The following SNAP91 variants were observed in gnomAD, a reference collection of about 807,000 sequenced individuals.
The protein encoded by SNAP91 is synaptosome associated protein 91.
A neutral mutation model predicts 100.3 loss-of-function variants in SNAP91; 27 were observed. That is an observed-to-expected ratio of 0.27 (90% CI 0.20 to 0.37). The LOEUF is 0.37. Ranked by LOEUF, SNAP91 falls within the 10% of genes least tolerant of loss-of-function variation. The probability of loss-of-function intolerance (pLI) is 1.00; values close to 1 mark genes in which losing one functional copy is unlikely to be tolerated. For missense variants in SNAP91, 986 were observed against 1,123.7 expected (o/e 0.88, Z 1.75); for synonymous variants, 404 against 398.6 (o/e 1.01, Z -0.16).
intron 12 of SNAP91, among the ~76,000 whole-genome samples, chr6:83,608,184 A>G (rs1333149251): frequency 1.3e-5 from 2 of 152,126 alleles, no homozygotes; most frequent in African/African-American, 4.8e-5. Context: ...AAAAAAACCA[A>G]TGTCATTATT....
Position 83,582,317 on chromosome 6 carries a change from A to G in SNAP91, c.2054T>C (p.Val685Ala), listed in dbSNP as rs1300229898. Residue 685 changes from valine to alanine, a missense_variant, in exon 23 of 30, where the codon GTG (valine) becomes GCG (alanine). Transcript: ENST00000369694. ...GSFMAPSPSPVTPAQNNLLQP... is the reference protein window; with the variant it reads ...GSFMAPSPSPATPAQNNLLQP... The stretch of plus-strand genomic sequence containing the variant: ...TAGCAGGTTATTCTGAGCTGGAGTC[A>G]CTGGAGATGGGGAAGGCGCCATGAA... The G allele has an allele frequency of 5.0e-6, 8 of 1,613,500 alleles. No individual in the cohort carries two copies. Among genetic ancestry groups the G allele is most frequent in the Non-Finnish European group, 5.9e-6 (7 of 1,179,684 alleles).
chr6:83,615,544 G>C (rs1342903033), intron 10 of SNAP91, among the ~76,000 whole-genome samples: 3 of 152,076 alleles, frequency 2.0e-5, no homozygotes, highest in African/African-American at 7.2e-5. Context: ...GTGATCTAAT[G>C]TACTCTCATG....
At chr6:83,619,292 A>G (rs1190796947) in intron 9 of SNAP91, among the ~76,000 whole-genome samples, 2 of 152,182 alleles carry the variant, frequency 1.3e-5, no homozygotes, top group African/African-American at 2.4e-5. Context: ...AAATTCCTCA[A>G]ATGTCTTTGG....
chr6:83,620,279 T>G (rs143817810), intron 9 of SNAP91, among the ~76,000 whole-genome samples: 69 of 152,304 alleles, frequency 4.5e-4, no homozygotes, highest in Non-Finnish European at 7.5e-4. Flanking sequence ...CTCCATCTCT[T>G]CTTTAACACT....
At chr6:83,596,107 T>C (rs192650216) in intron 16 of SNAP91, among the ~76,000 whole-genome samples, 1 of 152,120 alleles carries the variant, frequency 6.6e-6, no homozygotes, top group Non-Finnish European at 1.5e-5. Context: ...CAGGCTGGAG[T>C]GCAGTGGCAA....
intron 26 of SNAP91, among the ~76,000 whole-genome samples, chr6:83,568,859 G>T (rs1318720345): frequency 6.6e-6 from 1 of 152,152 alleles, no homozygotes; most frequent in African/African-American, 2.4e-5. Context: ...TGGAAACACT[G>T]CTTTGCTGCT....
At chr6:83,589,687 G>A (rs142502045) in intron 22 of SNAP91, among the ~76,000 whole-genome samples, 56 of 152,198 alleles carry the variant, frequency 3.7e-4, no homozygotes, top group Middle Eastern at 3.4e-3. Flanking sequence ...TATTGCCCCT[G>A]GGAAAGACTG....
intron 2 of SNAP91, among the ~76,000 whole-genome samples, chr6:83,684,335 A>C (rs1274087279): frequency 6.6e-6 from 1 of 152,156 alleles, no homozygotes; most frequent in Non-Finnish European, 1.5e-5. Flanking sequence ...CCCACCTTCC[A>C]TTACTTCCTG....
At chr6:83,656,630 A>G in intron 7 of SNAP91, 124 bp downstream of exon 7, 1 of 543,800 alleles carries the variant, frequency 1.8e-6, no homozygotes, top group Middle Eastern at 2.7e-4. Context: ...CTGTGGACTT[A>G]CTCACTATCA....
intron 2 of SNAP91, among the ~76,000 whole-genome samples, chr6:83,674,449 T>C (rs2098832487): frequency 6.6e-6 from 1 of 152,020 alleles, no homozygotes; most frequent in Non-Finnish European, 1.5e-5. Flanking sequence ...AAAAGAAAGA[T>C]AATAAATAAT....
chr6:83,603,139 T>C lies in SNAP91; in HGVS notation c.1142-1540A>G, dbSNP rs182818054. On this transcript the variant is annotated intron_variant, in intron 14 of 29. Transcript: ENST00000369694. ...AGCACTCAATCAATATTAGCTTTCA[T>C]TGTAACTTGAGAGCTATCTTAGTTT... 2.6e-5 allele frequency among the ~76,000 whole-genome samples: 4 copies of C among 152,326 alleles called. No individual in the cohort carries two copies. The South Asian group carries it at 6.2e-4, about 24-fold the overall frequency.
chr6:83,610,130 C>A (rs1034364793), intron 12 of SNAP91, among the ~76,000 whole-genome samples: 2 of 152,042 alleles, frequency 1.3e-5, no homozygotes, highest in Non-Finnish European at 2.9e-5. Flanking sequence ...AGAATCAAAA[C>A]CAGGGACTTA....
intron 2 of SNAP91, among the ~76,000 whole-genome samples, chr6:83,670,608 C>A (rs558395023): frequency 6.6e-6 from 1 of 151,808 alleles, no homozygotes; most frequent in Non-Finnish European, 1.5e-5. Context: ...AGATTTTCTA[C>A]GTTTCTTCTA....
chr6:83,577,361 A>G (rs1187776308), intron 24 of SNAP91, among the ~76,000 whole-genome samples: 1 of 152,236 alleles, frequency 6.6e-6, no homozygotes, highest in Admixed American at 6.5e-5. Context: ...TTTTTTTAAA[A>G]GACAAAATTT....
At chr6:83,600,884 C>G (rs901331987) in intron 16 of SNAP91, among the ~76,000 whole-genome samples, 1 of 152,116 alleles carries the variant, frequency 6.6e-6, no homozygotes, top group Non-Finnish European at 1.5e-5. Flanking sequence ...CCTACATTCC[C>G]CAAATATTCT....
chr6:83,607,587 A>G (rs553972500), intron 13 of SNAP91, 112 bp downstream of exon 13: 220 of 629,486 alleles, frequency 3.5e-4, no homozygotes, highest in Non-Finnish European at 5.5e-4. Flanking sequence ...AAACTTCAAC[A>G]TTACTAGGAT....
chr6:83,697,373 G>T (rs867392592), intron 2 of SNAP91, among the ~76,000 whole-genome samples: 11 of 138,878 alleles, frequency 7.9e-5, no homozygotes, highest in Middle Eastern at 7.8e-3. Flanking sequence ...CACAATGCCG[G>T]CAAAGGATTT....
rs1356443832 is a variant in SNAP91, at chr6:83,708,970, T to A, written c.-156A>T. 1 of 151,848 alleles carries A rather than the reference T, an allele frequency of 6.6e-6. No homozygotes were observed. The highest frequency in any genetic ancestry group is 2.4e-5 in the African/African-American group (1 of 41,290). 9.4% of individuals were successfully genotyped at this position (151,848 alleles called of 1,614,324 possible). On this transcript the variant is annotated 5_prime_UTR_variant, in exon 1 of 30. Transcript: ENST00000369694. Reference sequence around the variant, plus strand: ...CCCCCGGGCGCAAAGTCTCCAGCCCTGGCCGGGCCCCGCTCCTCAGCTCCG... The same window carrying A: ...CCCCCGGGCGCAAAGTCTCCAGCCCAGGCCGGGCCCCGCTCCTCAGCTCCG...
chr6:83,697,331 C>T (rs2099229561), intron 2 of SNAP91, among the ~76,000 whole-genome samples: 1 of 125,212 alleles, frequency 8.0e-6, no homozygotes, highest in African/African-American at 3.4e-5. Flanking sequence ...GCTGCACACA[C>T]ACACACACAC....
Sources: gnomAD v4.1 joint callset for allele counts (sites outside exome capture counted in the v4.1 genomes callset) on GRCh38, gnomAD v4.1.1 for gene constraint, MANE v1.5 for transcripts, NCBI Gene and HGNC (gene_info 2026-07-23, HGNC 2026-07-21) for gene names.